METTL15: variants seen among roughly 807,000 people sequenced by gnomAD.
The protein encoded by METTL15 is methyltransferase 15, mitochondrial 12S rRNA N4-cytidine, also known as 12S rRNA N(4)-cytidine methyltransferase METTL15.
METTL15 carries 34 observed loss-of-function variants against 38.3 expected under a neutral mutation model. The ratio of observed to expected loss-of-function variants is 0.89; its 90% CI spans 0.68 to 1.18. The LOEUF (loss-of-function observed/expected upper bound fraction) is 1.18. Among genes scored for constraint, METTL15 ranks in the 50% most tolerant of loss-of-function variants. The pLI, the probability that METTL15 is intolerant of heterozygous loss-of-function variation, is 0.00. For missense variants in METTL15, 438 were observed against 498.4 expected, an observed-to-expected ratio of 0.88 and a Z score of 1.15; for synonymous variants, 162 against 170.9, an observed-to-expected ratio of 0.95 and a Z score of 0.41.
chr11:28,120,203 C>A (rs1852162497), intron 3 of METTL15, among the ~76,000 whole-genome samples: 1 of 151,406 alleles, frequency 6.6e-6, no homozygotes, highest in South Asian at 2.1e-4. Flanking sequence ...CTGCCCGCCT[C>A]AGCCTCCCAA....
intron 6 of METTL15, among the ~76,000 whole-genome samples, chr11:28,480,989 A>C (rs1851390512): frequency 6.6e-6 from 1 of 152,182 alleles, no homozygotes; most frequent in Non-Finnish European, 1.5e-5. Context: ...CAAGAAGGTA[A>C]TGTTTAGGCA....
chr11:28,152,622 A>G (rs1850130120), intron 3 of METTL15, among the ~76,000 whole-genome samples: 1 of 151,848 alleles, frequency 6.6e-6, no homozygotes, highest in Non-Finnish European at 1.5e-5. Context: ...TCCATGAGGG[A>G]TTGGTTCCAG....
intron 4 of METTL15, among the ~76,000 whole-genome samples, chr11:28,259,457 A>G (rs1348893365): frequency 6.6e-6 from 1 of 152,116 alleles, no homozygotes; most frequent in African/African-American, 2.4e-5. Flanking sequence ...CATGCCTGGG[A>G]GTTGCAGTCC....
chr11:28,527,811 A>C (rs1446701764), downstream of METTL15, among the ~76,000 whole-genome samples: 1 of 152,242 alleles, frequency 6.6e-6, no homozygotes, highest in Non-Finnish European at 1.5e-5. Context: ...TTTCTTACTA[A>C]CATTACTGTT....
At chr11:28,430,748 C>A (rs1850916028) in intron 6 of METTL15, among the ~76,000 whole-genome samples, 1 of 112,458 alleles carries the variant, frequency 8.9e-6, no homozygotes, top group Admixed American at 8.2e-5. Context: ...CTCCGCCTGG[C>A]CAGCCGCCCC....
At chr11:28,516,222 T>A (rs1346417970) in intron 6 of METTL15, among the ~76,000 whole-genome samples, 1 of 152,142 alleles carries the variant, frequency 6.6e-6, no homozygotes, top group Non-Finnish European at 1.5e-5. Context: ...AGGAATCTGG[T>A]TCTTGGTACA....
chr11:28,439,284 G>A (rs772838649), intron 6 of METTL15, among the ~76,000 whole-genome samples: 1 of 152,170 alleles, frequency 6.6e-6, no homozygotes, highest in African/African-American at 2.4e-5. Flanking sequence ...CCAGGAGGGT[G>A]CCCATTGTGT....
At chr11:28,440,490 T>C (rs1428229225) in intron 6 of METTL15, among the ~76,000 whole-genome samples, 1 of 152,236 alleles carries the variant, frequency 6.6e-6, no homozygotes, top group Non-Finnish European at 1.5e-5. Flanking sequence ...AGACTGGCCT[T>C]GTTTAAAAAG....
At chr11:28,328,364 T>C (rs1849705465) in intron 6 of METTL15, among the ~76,000 whole-genome samples, 1 of 152,188 alleles carries the variant, frequency 6.6e-6, no homozygotes, top group Non-Finnish European at 1.5e-5. Context: ...ATGTAAGATA[T>C]TATTTCTTTC....
chr11:28,203,652 A>T (rs1852197875), intron 3 of METTL15, among the ~76,000 whole-genome samples: 1 of 152,036 alleles, frequency 6.6e-6, no homozygotes, highest in African/African-American at 2.4e-5. Context: ...CCTCATAAGT[A>T]AAAGGAGGGA....
intron 4 of METTL15, among the ~76,000 whole-genome samples, chr11:28,221,698 T>C (rs1380787745): frequency 1.3e-5 from 2 of 152,180 alleles, no homozygotes; most frequent in Non-Finnish European, 2.9e-5. Flanking sequence ...CTACCTTTCG[T>C]CTTTGATGAT....
At chr11:28,428,634 C>A (rs1052703037) in intron 6 of METTL15, among the ~76,000 whole-genome samples, 3 of 152,190 alleles carry the variant, frequency 2.0e-5, no homozygotes, top group Admixed American at 6.5e-5. Flanking sequence ...CTGAGACAAG[C>A]TGGCTACTAA....
chr11:28,461,642 C>CA lies in METTL15; in HGVS notation c.*424+37287dup, dbSNP rs201139308. Among the ~76,000 whole-genome samples, 1,092 of 149,826 alleles carry CA rather than the reference C, an allele frequency of 7.3e-3. 4 individuals carry two copies. The highest frequency in any genetic ancestry group is 0.011 in the Non-Finnish European group (764 of 67,298). On this transcript the variant is annotated intron_variant and NMD_transcript_variant, in intron 6 of 7. Transcript: ENST00000532947. ...TGGAAAAGGGAGAGGCAGAGAATTA[C>CA]AAAAAAAAAGAGATGTGGGGCAACT...
At chr11:28,376,654 T>C (rs968761438) in intron 5 of METTL15, among the ~76,000 whole-genome samples, 2 of 152,174 alleles carry the variant, frequency 1.3e-5, no homozygotes, top group African/African-American at 2.4e-5. Flanking sequence ...ATTTAGTCAA[T>C]TTACATTTAA....
At chr11:28,127,202 AGG>A (rs1852525171) in intron 3 of METTL15, among the ~76,000 whole-genome samples, 1 of 152,162 alleles carries the variant, frequency 6.6e-6, no homozygotes, top group East Asian at 1.9e-4. Context: ...ATTACTTATG[AGG>A]CTTTTGTCCA....
chr11:28,244,672 T>G (rs1038308470), intron 4 of METTL15, among the ~76,000 whole-genome samples: 4 of 152,192 alleles, frequency 2.6e-5, no homozygotes, highest in African/African-American at 9.7e-5. Context: ...AGGAAAAGTA[T>G]TAGCAAGTGT....
rs1160072263 is a variant in METTL15 at position 28,110,244 on chromosome 11, T to A, written c.-175T>A. The A allele has an allele frequency of 2.0e-5, 3 of 152,214 alleles. No individual in the cohort carries two copies. The highest frequency in any genetic ancestry group is 4.4e-5 in the Non-Finnish European group (3 of 68,056). The allele number at this position is 152,214 out of a possible 1,614,324, so 9.4% of individuals were successfully genotyped here. ...AAACAGCGGAACCAAAGGCAGACGGTCCTCAGTTGCTTGGGCGGACGTGGA... is the reference window on the plus strand; with the variant it reads ...AAACAGCGGAACCAAAGGCAGACGGACCTCAGTTGCTTGGGCGGACGTGGA... On this transcript the variant is annotated 5_prime_UTR_variant, in exon 2 of 7. Transcript: ENST00000407364.
chr11:28,198,039 C>T (rs1255142990), intron 3 of METTL15, among the ~76,000 whole-genome samples: 2 of 151,962 alleles, frequency 1.3e-5, no homozygotes, highest in Non-Finnish European at 2.9e-5. Context: ...TTTAGTAATT[C>T]TTAAAAGAAA....
At chr11:28,309,730 C>T (rs755213284) in intron 6 of METTL15, among the ~76,000 whole-genome samples, 8 of 152,100 alleles carry the variant, frequency 5.3e-5, no homozygotes, top group Non-Finnish European at 7.3e-5. Context: ...CAATCTCCTG[C>T]GTTTTATGAT....
Sources: gnomAD v4.1 joint callset for allele counts (sites outside exome capture counted in the v4.1 genomes callset) on GRCh38, gnomAD v4.1.1 for gene constraint, MANE v1.5 for transcripts, NCBI Gene and HGNC (gene_info 2026-07-23, HGNC 2026-07-21) for gene names.